RSU1: variants seen among roughly 807,000 people sequenced by gnomAD.
RSU1 encodes the protein rsu-1.
In RSU1, 26 loss-of-function variants were observed where a neutral mutation model predicts 31.1. The observed-to-expected ratio is 0.84, with a 90% CI of 0.61 to 1.16. The LOEUF is 1.16. Among genes scored for constraint, RSU1 ranks in the 50% most tolerant of loss-of-function variants. The pLI is 0.00. For synonymous variants in RSU1, 164 were observed against 136.3 expected (o/e 1.20, Z -1.41); for missense variants, 320 against 339.1 (o/e 0.94, Z 0.44).
intron 8 of RSU1, among the ~76,000 whole-genome samples, chr10:16,613,567 C>T (rs534386319): frequency 1.6e-4 from 24 of 152,268 alleles, no homozygotes; most frequent in African/African-American, 5.5e-4. Flanking sequence ...TAAAATATTA[C>T]AAAAATGACA....
chr10:16,652,261 A>G (rs1834697682), intron 8 of RSU1, among the ~76,000 whole-genome samples: 1 of 152,124 alleles, frequency 6.6e-6, no homozygotes, highest in African/African-American at 2.4e-5. Context: ...AAATTCTCAT[A>G]GAAAAAGAAA....
intron 3 of RSU1, 52 bp from the exon 4 acceptor site, chr10:16,764,562 G>A (rs765816979): frequency 1.3e-6 from 2 of 1,571,518 alleles, no homozygotes; most frequent in East Asian, 2.3e-5. Flanking sequence ...CTCCTAGCAA[G>A]GGATGGCAGC....
At chr10:16,756,642 A>G (rs1837092227) in intron 4 of RSU1, among the ~76,000 whole-genome samples, 2 of 152,198 alleles carry the variant, frequency 1.3e-5, no homozygotes, top group Admixed American at 6.5e-5. Context: ...CATACAAAAT[A>G]TGTGTTCATC....
chr10:16,773,517 T>A (rs1216981359), intron 3 of RSU1, among the ~76,000 whole-genome samples: 1 of 152,182 alleles, frequency 6.6e-6, no homozygotes, highest in Admixed American at 6.5e-5. Context: ...TAACGGGACG[T>A]CAAGTGCACA....
At chr10:16,642,761 C>A (rs1224123816) in intron 8 of RSU1, among the ~76,000 whole-genome samples, 2 of 152,172 alleles carry the variant, frequency 1.3e-5, no homozygotes, top group African/African-American at 2.4e-5. Flanking sequence ...CAAACAAAAT[C>A]CTTGTAAATT....
At chr10:16,804,689 T>C (rs1407973036) in intron 2 of RSU1, among the ~76,000 whole-genome samples, 1 of 152,198 alleles carries the variant, frequency 6.6e-6, no homozygotes, top group African/African-American at 2.4e-5. Context: ...CTTAAATGCA[T>C]GTTGCTAAGC....
chr10:16,757,207 TAACGCAG>T (rs1047262163), intron 4 of RSU1, among the ~76,000 whole-genome samples: 3 of 152,014 alleles, frequency 2.0e-5, no homozygotes, highest in Admixed American at 6.6e-5. Flanking sequence ...TTATTTTTCT[TAACGCAG>T]TTCCCTTTGA....
chr10:16,594,634 AATATGATATAT>A (rs1833577090), intron 8 of RSU1, among the ~76,000 whole-genome samples: 1 of 146,766 alleles, frequency 6.8e-6, no homozygotes, highest in African/African-American at 2.5e-5. Context: ...TATGATAGAT[AATATGATATAT>A]ATGATATATA....
chr10:16,748,612 G>T (rs1414747334), intron 7 of RSU1, among the ~76,000 whole-genome samples: 1 of 152,154 alleles, frequency 6.6e-6, no homozygotes, highest in African/African-American at 2.4e-5. Flanking sequence ...TGTCCTACCA[G>T]TTCCCATGTG....
At chr10:16,613,950 T>C (rs747866525) in intron 8 of RSU1, among the ~76,000 whole-genome samples, 3 of 152,098 alleles carry the variant, frequency 2.0e-5, no homozygotes, top group Non-Finnish European at 2.9e-5. Flanking sequence ...TCCTTGGGAA[T>C]TGGAGGTTAC....
intron 8 of RSU1, among the ~76,000 whole-genome samples, chr10:16,682,341 A>C (rs1287834416): frequency 6.6e-6 from 1 of 152,150 alleles, no homozygotes; most frequent in Non-Finnish European, 1.5e-5. Context: ...ACGGGAACAG[A>C]CTGATAATGT....
intron 2 of RSU1, among the ~76,000 whole-genome samples, chr10:16,788,685 A>G (rs1485687673): frequency 6.6e-6 from 1 of 152,248 alleles, no homozygotes; most frequent in East Asian, 1.9e-4. Flanking sequence ...CCAAGACGAC[A>G]GCCTGAGCTC....
chr10:16,640,154 G>A (rs932936687), intron 8 of RSU1, among the ~76,000 whole-genome samples: 7 of 152,066 alleles, frequency 4.6e-5, no homozygotes, highest in African/African-American at 1.7e-4. Context: ...GAAGGAAGGA[G>A]AGGGAGAGAA....
intron 8 of RSU1, among the ~76,000 whole-genome samples, chr10:16,664,798 G>A (rs549417772): frequency 4.6e-5 from 7 of 152,152 alleles, no homozygotes; most frequent in East Asian, 3.9e-4. Context: ...ACATAATACC[G>A]GAAATAAACT....
chr10:16,776,491 TA>T (rs35979534), intron 3 of RSU1, among the ~76,000 whole-genome samples: 2,814 of 144,468 alleles, frequency 0.019, 33 homozygotes, highest in African/African-American at 0.039. Flanking sequence ...TAGTGTATAT[TA>T]AAAAAAAAAA....
At chr10:16,741,777 A>C (rs1407876141) in intron 7 of RSU1, among the ~76,000 whole-genome samples, 1 of 152,198 alleles carries the variant, frequency 6.6e-6, no homozygotes, top group Non-Finnish European at 1.5e-5. Flanking sequence ...GAAGGTAGGA[A>C]GCAGGAAACC....
intron 8 of RSU1, among the ~76,000 whole-genome samples, chr10:16,606,601 T>G (rs2131463693): frequency 6.6e-6 from 1 of 152,312 alleles, no homozygotes; most frequent in Non-Finnish European, 1.5e-5. Context: ...CAGGGCAGGA[T>G]TCCTGTAGTG....
At chr10:16,713,735 T>G (rs1438211950) in intron 7 of RSU1, among the ~76,000 whole-genome samples, 1 of 152,256 alleles carries the variant, frequency 6.6e-6, no homozygotes, top group Admixed American at 6.5e-5. Context: ...TTTGCAGGTA[T>G]CACATTTCCT....
At chr10:16,764,770 A>T (rs966185058) in intron 3 of RSU1, among the ~76,000 whole-genome samples, 12 of 152,076 alleles carry the variant, frequency 7.9e-5, no homozygotes, top group Admixed American at 5.2e-4. Flanking sequence ...ATGAGGGGGG[A>T]AACAGAGCAA....
Sources: allele counts gnomAD v4.1 joint callset (sites outside exome capture counted in the v4.1 genomes callset), GRCh38; gene constraint gnomAD v4.1.1; transcripts MANE v1.5; gene names NCBI Gene and HGNC (gene_info 2026-07-23, HGNC 2026-07-21).